APOL5: variants seen among roughly 807,000 people sequenced by gnomAD.
APOL5 encodes apolipoprotein L, 5.
APOL5 carries 29 observed loss-of-function variants against 35.5 expected under a neutral mutation model. That is an observed-to-expected ratio of 0.82 (90% CI 0.61 to 1.11). The LOEUF is 1.11. Among genes scored for constraint, APOL5 ranks in the 50% most tolerant of loss-of-function variants. APOL5 has a pLI of 0.00. For missense variants in APOL5, 514 were observed against 530.4 expected (o/e 0.97, Z 0.30); for synonymous variants, 188 against 200.2 (o/e 0.94, Z 0.51).
chr22:35,717,764 AAAAG>A, upstream of APOL5: 3 of 457,856 alleles, frequency 6.6e-6, no homozygotes, highest in South Asian at 8.9e-5. Context: ...GAAAGAAAAG[AAAAG>A]AAAAAAAAAT....
At chr22:35,717,642 AG>A (rs1472942010), upstream of APOL5, among the ~76,000 whole-genome samples, 3 of 150,376 alleles carry the variant, frequency 2.0e-5, no homozygotes, top group Non-Finnish European at 4.4e-5. Context: ...CAGAAGGCTG[AG>A]GCAGAAGAGT....
chr22:35,727,826 T>TA (rs1927222806), intron 3 of APOL5, among the ~76,000 whole-genome samples: 1 of 152,208 alleles, frequency 6.6e-6, no homozygotes, highest in Admixed American at 6.5e-5. Flanking sequence ...AAAAGTAGTT[T>TA]ACATTTCTAG....
chr22:35,722,561 A>G (rs1927008289), intron 2 of APOL5, among the ~76,000 whole-genome samples: 1 of 152,158 alleles, frequency 6.6e-6, no homozygotes, highest in Non-Finnish European at 1.5e-5. Flanking sequence ...TAGGCCTCCC[A>G]AAGTGCTGGG....
intron 1 of APOL5, among the ~76,000 whole-genome samples, chr22:35,718,732 T>C (rs148841115): frequency 3.3e-5 from 5 of 151,748 alleles, no homozygotes; most frequent in South Asian, 2.1e-4. Flanking sequence ...TATAGCAAGA[T>C]GGAAAATACT....
chr22:35,722,614 C>G (rs1018428382), intron 2 of APOL5, among the ~76,000 whole-genome samples: 4 of 152,046 alleles, frequency 2.6e-5, no homozygotes, highest in African/African-American at 4.8e-5. Flanking sequence ...GGTTCTTACC[C>G]TAACTCCACC....
At chr22:35,712,451 C>T in the APOL5 span, among the ~76,000 whole-genome samples, 15 of 152,170 alleles carry the variant, frequency 9.9e-5, no homozygotes, top group Non-Finnish European at 1.3e-4. Context: ...CTCCTAGCCT[C>T]AAGTGATCCT....
At chr22:35,722,970 G>C (rs1927025455) in intron 2 of APOL5, among the ~76,000 whole-genome samples, 1 of 152,160 alleles carries the variant, frequency 6.6e-6, no homozygotes, top group South Asian at 2.1e-4. Flanking sequence ...TAGGTTTACA[G>C]AGATGTTCAC....
chr22:35,725,665 G>C (rs1455973912), intron 2 of APOL5, among the ~76,000 whole-genome samples: 1 of 152,044 alleles, frequency 6.6e-6, no homozygotes, highest in Non-Finnish European at 1.5e-5. Context: ...TCGCCCTCTT[G>C]CGCTGAGCGG....
chr22:35,725,085 C>T (rs756671918), intron 2 of APOL5, among the ~76,000 whole-genome samples: 7 of 152,136 alleles, frequency 4.6e-5, no homozygotes, highest in Non-Finnish European at 1.0e-4. Context: ...GTCTGCTGCC[C>T]ACATTGTAAT....
At chr22:35,729,137 TAATC>T (rs1927279734) in intron 4 of APOL5, among the ~76,000 whole-genome samples, 1 of 152,200 alleles carries the variant, frequency 6.6e-6, no homozygotes, top group Non-Finnish European at 1.5e-5. Context: ...TTCATGAAGT[TAATC>T]AATGCACAAA....
chr22:35,718,665 A>G (rs558038927), intron 1 of APOL5, among the ~76,000 whole-genome samples: 1 of 151,970 alleles, frequency 6.6e-6, no homozygotes, highest in East Asian at 1.9e-4. Flanking sequence ...ACATGACAAT[A>G]CATCTTCTCT....
chr22:35,712,519 C>T, the APOL5 span, among the ~76,000 whole-genome samples: 12 of 152,264 alleles, frequency 7.9e-5, no homozygotes, highest in Non-Finnish European at 1.6e-4. Context: ...TACCTAACCT[C>T]GTTGTGGTTT....
At chr22:35,714,615 C>T (rs1300804204), upstream of APOL5, among the ~76,000 whole-genome samples, 1 of 152,226 alleles carries the variant, frequency 6.6e-6, no homozygotes, top group African/African-American at 2.4e-5. Flanking sequence ...AACTACCTGG[C>T]TTAGGTCTAC....
rs1020883770 is a variant in APOL5, at chr22:35,726,975, C to T, written c.907C>T (p.Leu303Phe). The T allele has an allele frequency of 4.3e-6, 7 of 1,614,062 alleles. No homozygotes were observed. The African/African-American group carries it at 8.0e-5, about 18-fold the overall frequency. The change falls in exon 3 of 5, where the codon CTT becomes TTT. Residue 303 changes from leucine to phenylalanine, a missense_variant. Coordinates refer to ENST00000249044, the MANE Select transcript of APOL5 (RefSeq NM_030642.1). Reference protein sequence around the residue: ...VMGAAGAGFLLMKDMSSFLQS... With the variant: ...VMGAAGAGFLFMKDMSSFLQS... ...GGGTGCTGCTGGGGCTGGCTTCTTA[C>T]TTATGAAAGACATGAGCAGCTTCCT...
In APOL5 at chr22:35,721,720, G is replaced by A. The variant is rs539195003; in HGVS notation, c.142+1066G>A. ...TTTCCCAACCCATGATAATGTCTGA[G>A]TCTTGCCTTGAGATCCAAGCTCCTG... On this transcript the variant is annotated intron_variant, in intron 2 of 4. Coordinates refer to ENST00000249044, the MANE Select transcript of APOL5 (RefSeq NM_030642.1). Among the ~76,000 whole-genome samples the A allele has an allele frequency of 9.2e-5, 14 of 152,218 alleles. No individual in the cohort carries two copies. In the South Asian group the frequency reaches 2.7e-3, roughly 29 times the overall value.
the APOL5 span, among the ~76,000 whole-genome samples, chr22:35,710,816 G>C: frequency 6.6e-6 from 1 of 152,112 alleles, no homozygotes; most frequent in Non-Finnish European, 1.5e-5. Context: ...TTTTGTGAGT[G>C]GCTTATTTCA....
chr22:35,718,282 C>T (rs373429792), intron 1 of APOL5, among the ~76,000 whole-genome samples: 18 of 152,252 alleles, frequency 1.2e-4, no homozygotes, highest in African/African-American at 2.9e-4. Flanking sequence ...GACAAGGTGG[C>T]GACATTATCA....
the APOL5 span, among the ~76,000 whole-genome samples, chr22:35,710,113 CTTTTTT>C: frequency 1.8e-4 from 16 of 86,710 alleles, no homozygotes; most frequent in African/African-American, 6.9e-4. Flanking sequence ...CTTTCTTTCT[CTTTTTT>C]TTTTTTTTTT....
chr22:35,726,422 A>C lies in APOL5; in HGVS notation c.354A>C (p.Lys118Asn), dbSNP rs1927157755. 1 of 1,614,166 alleles carries C rather than the reference A, an allele frequency of 6.2e-7. No homozygotes were observed. Among genetic ancestry groups the C allele is most frequent in the Non-Finnish European group, 8.5e-7 (1 of 1,180,038 alleles). The change falls in exon 3 of 5, where the codon AAA (lysine) becomes AAC (asparagine). Residue 118 changes from lysine (K) to asparagine (N), a missense_variant. Transcript: ENST00000249044. ...LHKFELEQNI[K>N]ELNTLADQVD... ...AGTTTGAGCTAGAACAGAACATCAA[A>C]GAACTTAACACCCTTGCGGACCAAG...
Sources: allele counts gnomAD v4.1 joint callset (sites outside exome capture counted in the v4.1 genomes callset), GRCh38; gene constraint gnomAD v4.1.1; transcripts MANE v1.5; gene names NCBI Gene and HGNC (gene_info 2026-07-23, HGNC 2026-07-21).